The following CNTNAP3 variants were observed in gnomAD, a reference collection of about 807,000 sequenced individuals.
CNTNAP3 encodes the protein contactin-associated protein-like 3.
In CNTNAP3, 36 loss-of-function variants were observed where a neutral mutation model predicts 92.1. The observed-to-expected ratio is 0.39, with a 90% CI of 0.30 to 0.52. The LOEUF (loss-of-function observed/expected upper bound fraction) is 0.52. Ranked by LOEUF, CNTNAP3 falls within the 20% of genes least tolerant of loss-of-function variation. The pLI is 0.76. For synonymous variants in CNTNAP3, 232 were observed against 422.3 expected (o/e 0.55, Z 5.53); for missense variants, 534 against 1,069.6 (o/e 0.50, Z 6.98).
In CNTNAP3 at chr9:39,136,130, AAATAATAATAATAAT is replaced by A. The variant is rs60137174; in HGVS notation, c.1877-3010_1877-2996del. ...GGTGACAGAGCAAGCCTCTGTCTCA[AAATAATAATAATAAT>A]AATAATAATAATAATAATAAAAATA... On this transcript the variant is annotated intron_variant, in intron 12 of 23. Coordinates refer to ENST00000297668, the MANE Select transcript of CNTNAP3 (RefSeq NM_033655.5). 1.2e-4 allele frequency among the ~76,000 whole-genome samples: 17 copies of A among 144,928 alleles called. No individual in the cohort carries two copies. The East Asian group carries it at 2.8e-3, about 24-fold the overall frequency.
intron 23 of CNTNAP3, among the ~76,000 whole-genome samples, chr9:39,075,794 T>C (rs1295365396): frequency 6.6e-6 from 1 of 152,304 alleles, no homozygotes; most frequent in South Asian, 2.1e-4. Flanking sequence ...GCCACTGCGC[T>C]TTGAGTTTCA....
rs1307992357 is a variant in CNTNAP3, at chr9:39,069,053, A to G, written c.*4837T>C. On this transcript the variant is annotated 3_prime_UTR_variant, in exon 24 of 24. Transcript: ENST00000297668. ...ATATGTATGTATATAACACACATGA[A>G]TCATATCCTAAAGATTTGGAACAAG... Among the ~76,000 whole-genome samples the G allele has an allele frequency of 1.3e-5, 2 of 152,278 alleles. No homozygotes were observed. The highest frequency in any genetic ancestry group is 2.9e-5 in the Non-Finnish European group (2 of 68,050).
At chr9:39,152,709 G>C (rs1821868494) in intron 9 of CNTNAP3, among the ~76,000 whole-genome samples, 1 of 144,058 alleles carries the variant, frequency 6.9e-6, no homozygotes. Context: ...AGGCTGCAGT[G>C]CAGTGGTGTG....
Position 39,065,169 on chromosome 9 carries a change from G to C in CNTNAP3, c.*8721C>G. Among the ~76,000 whole-genome samples, 1 of 152,288 alleles carries C rather than the reference G, an allele frequency of 6.6e-6. No homozygotes were observed. The highest frequency in any genetic ancestry group is 1.9e-4 in the East Asian group (1 of 5,208). On this transcript the variant is annotated 3_prime_UTR_variant, in exon 24 of 24. Coordinates refer to ENST00000297668, the MANE Select transcript of CNTNAP3 (RefSeq NM_033655.5). ...CAACTCCCATCCCACCTCAACCCAG[G>C]TAACTACTGATACAATTTCTACTGC...
In CNTNAP3 at chr9:39,071,694, G is replaced by A. The variant is rs1404016938; in HGVS notation, c.*2196C>T. Among the ~76,000 whole-genome samples the A allele has an allele frequency of 1.3e-5, 2 of 151,126 alleles. No individual in the cohort carries two copies. The highest frequency in any genetic ancestry group is 2.4e-5 in the African/African-American group (1 of 41,052). ...TTAGATTTTAGTAAGTTGACTGTTA[G>A]ATGGTTGCTCTTTGGCAGAAGTTTA... is the stretch of plus-strand genomic sequence containing the variant. On this transcript the variant is annotated 3_prime_UTR_variant, in exon 24 of 24. Transcript: ENST00000297668.
intron 18 of CNTNAP3, among the ~76,000 whole-genome samples, chr9:39,091,134 G>C (rs1035689696): frequency 1.1e-4 from 17 of 149,758 alleles, no homozygotes; most frequent in Admixed American, 8.0e-4. Context: ...AATAGAGATA[G>C]TTTTATTTCC....
chr9:39,140,593 G>T lies in CNTNAP3; in HGVS notation c.1802C>A (p.Pro601Gln). 1 of 1,613,496 alleles carries T rather than the reference G, an allele frequency of 6.2e-7. No individual in the cohort carries two copies. The highest frequency in any genetic ancestry group is 1.7e-5 in the Admixed American group (1 of 59,928). Residue 601 changes from proline to glutamine, a missense_variant, in exon 12 of 24, where the codon CCG becomes CAG. Physicochemically the swap from Pro to Gln is moderately conservative, Grantham distance 76. Coordinates refer to ENST00000297668, the MANE Select transcript of CNTNAP3 (RefSeq NM_033655.5). ...SCEAHKHRGNPSGLYYIDADG... is the reference protein window; with the variant it reads ...SCEAHKHRGNQSGLYYIDADG... ...TGCATCAATATAGTAAAGCCCAGAC[G>T]GGTTCCCTCGGTGCTTGTGGGCTTC...
In CNTNAP3 at chr9:39,138,057, G is replaced by T. The variant is rs28658543; in HGVS notation, c.1876+2462C>A. Among the ~76,000 whole-genome samples the T allele has an allele frequency of 6.7e-4, 90 of 133,580 alleles. 3 individuals carry two copies. The highest frequency in any genetic ancestry group is 1.8e-3 in the African/African-American group (63 of 34,218). The allele number at this position is 133,580 out of a possible 152,430, so 87.6% of individuals were successfully genotyped here. On this transcript the variant is annotated intron_variant, in intron 12 of 23. Coordinates refer to ENST00000297668, the MANE Select transcript of CNTNAP3 (RefSeq NM_033655.5). ...TGTTGTTGTCACAATGCTGTTTTTT[G>T]TTGTTGTTGTTGTTGTAGAGGTGGG...
At chr9:39,116,106 C>G (rs1218345029) in intron 14 of CNTNAP3, among the ~76,000 whole-genome samples, 1 of 150,762 alleles carries the variant, frequency 6.6e-6, no homozygotes, top group Non-Finnish European at 1.5e-5. Context: ...GAGCTGAGAT[C>G]GCACCACTGC....
intron 18 of CNTNAP3, among the ~76,000 whole-genome samples, chr9:39,099,520 A>T (rs1190629223): frequency 6.6e-6 from 1 of 152,208 alleles, no homozygotes; most frequent in Non-Finnish European, 1.5e-5. Context: ...GTTCAAGTCC[A>T]GCCTGGGCAA....
At chr9:39,109,334 C>T (rs774811328) in intron 14 of CNTNAP3, 47 bp from the exon 15 acceptor site, 42 of 1,604,172 alleles carry the variant, frequency 2.6e-5, no homozygotes, top group African/African-American at 8.1e-5. Context: ...GATTAACATA[C>T]GGGCAAAATT....
At position 39,065,777 on chromosome 9, in the gene CNTNAP3, T is replaced by C. The variant is rs899210730; in HGVS notation, c.*8113A>G. On this transcript the variant is annotated 3_prime_UTR_variant, in exon 24 of 24. Transcript: ENST00000297668. Reference sequence around the variant, plus strand: ...ACTGGCCTAGCACTTTTCGTCATTTTTTCTTATATTCATTATTTTCATTTT... The same window carrying C: ...ACTGGCCTAGCACTTTTCGTCATTTCTTCTTATATTCATTATTTTCATTTT... 4.6e-5 allele frequency among the ~76,000 whole-genome samples: 7 copies of C among 152,254 alleles called. No individual in the cohort carries two copies. The highest frequency in any genetic ancestry group is 1.7e-4 in the African/African-American group (7 of 41,478).
Position 39,205,006 on chromosome 9 carries a change from A to C in CNTNAP3, c.391-11731T>G, listed in dbSNP as rs1186533828. On this transcript the variant is annotated intron_variant, in intron 3 of 23. Coordinates refer to ENST00000297668, the MANE Select transcript of CNTNAP3 (RefSeq NM_033655.5). ...TCATCATCATCATCATCATCATCAT[A>C]GCTTATGTTTTTGAGCACTTCCCAC... Among the ~76,000 whole-genome samples, 3 of 82,354 alleles carry C rather than the reference A, an allele frequency of 3.6e-5. 1 individual carries two copies. The highest frequency in any genetic ancestry group is 9.4e-4 in the South Asian group (2 of 2,132). 54.0% of individuals were successfully genotyped at this position (82,354 alleles called of 152,430 possible).
Position 39,150,121 on chromosome 9 carries a change from G to A in CNTNAP3, c.1478-144C>T, listed in dbSNP as rs1821808054. The A allele has an allele frequency of 5.0e-5, 31 of 625,586 alleles. No individual in the cohort carries two copies. The South Asian group carries it at 6.0e-4, about 12-fold the overall frequency. 38.8% of individuals were successfully genotyped at this position (625,586 alleles called of 1,614,324 possible). A position where few individuals can be genotyped will look rare whatever the true frequency, so the allele number is the denominator to read the frequency against. On this transcript the variant is annotated intron_variant, in intron 9 of 23. Transcript: ENST00000297668. Reference sequence around the variant, plus strand: ...GCTTCACCATTCATTAGAGAGGTGAGAAGGGGCAAGGTTAGAACTGATCAA... The same window carrying A: ...GCTTCACCATTCATTAGAGAGGTGAAAAGGGGCAAGGTTAGAACTGATCAA...
At chr9:39,100,673 G>A (rs183099719) in intron 17 of CNTNAP3, among the ~76,000 whole-genome samples, 142 of 152,248 alleles carry the variant, frequency 9.3e-4, no homozygotes, top group African/African-American at 3.3e-3. Flanking sequence ...CAAAGGAGGG[G>A]AAGTTGGAAG....
intron 10 of CNTNAP3, among the ~76,000 whole-genome samples, chr9:39,146,412 G>A (rs534033528): frequency 7.9e-5 from 12 of 152,212 alleles, no homozygotes; most frequent in Non-Finnish European, 1.6e-4. Flanking sequence ...TATCCTGGCC[G>A]GGTGTGGTGG....
chr9:39,146,945 C>T (rs1821717116), intron 10 of CNTNAP3, among the ~76,000 whole-genome samples: 1 of 152,104 alleles, frequency 6.6e-6, no homozygotes, highest in Non-Finnish European at 1.5e-5. Context: ...AATTGTAGTT[C>T]TCATAATTCC....
intron 18 of CNTNAP3, 57 bp from the exon 19 acceptor site, chr9:39,088,704 T>C (rs1403005543): frequency 7.3e-7 from 1 of 1,370,876 alleles, no homozygotes; most frequent in African/African-American, 1.4e-5. Context: ...AACGGTCTTG[T>C]TTTAAGTACA....
chr9:39,109,395 A>C (rs1215231378), intron 14 of CNTNAP3, 108 bp from the exon 15 acceptor site: 1 of 1,492,654 alleles, frequency 6.7e-7, no homozygotes, highest in Non-Finnish European at 9.0e-7. Flanking sequence ...AGCTTAACAG[A>C]ATACTTAACA....
Sources: gnomAD v4.1 joint callset for allele counts (sites outside exome capture counted in the v4.1 genomes callset) on GRCh38, gnomAD v4.1.1 for gene constraint, MANE v1.5 for transcripts, NCBI Gene and HGNC (gene_info 2026-07-23, HGNC 2026-07-21) for gene names.